Variants in DAB1 observed in about 807,000 individuals in gnomAD.
DAB1 encodes the protein disabled homolog 1.
DAB1 carries 15 observed loss-of-function variants against 64.6 expected under a neutral mutation model. The ratio of observed to expected loss-of-function variants is 0.23; its 90% CI spans 0.16 to 0.36. The LOEUF (loss-of-function observed/expected upper bound fraction) is 0.36, where lower values mean the gene tolerates loss of function less well. DAB1 is among the 10% of genes least tolerant of loss of function. DAB1 has a pLI of 1.00. For synonymous variants in DAB1, 235 were observed against 251.9 expected, an observed-to-expected ratio of 0.93 and a Z score of 0.64; for missense variants, 596 against 706.7, an observed-to-expected ratio of 0.84 and a Z score of 1.78.
intron 4 of DAB1, among the ~76,000 whole-genome samples, chr1:58,241,908 G>A (rs1660314147): frequency 6.6e-6 from 1 of 151,968 alleles, no homozygotes. Context: ...AAACAATATG[G>A]CATCATCTAT....
chr1:58,231,777 A>G (rs1659784274), intron 4 of DAB1, among the ~76,000 whole-genome samples: 1 of 152,224 alleles, frequency 6.6e-6, no homozygotes, highest in South Asian at 2.1e-4. Context: ...TGATTGGAAC[A>G]TAACCAAGTG....
At position 57,015,225 on chromosome 1, in the gene DAB1, G is replaced by C. The variant is rs754773594; in HGVS notation, c.1102C>G (p.Pro368Ala). ...GGCAAAGGCATAACAGTTTGTGTGG[G>C]CATGAAGGCGGCTGGCGGAAACTGC... Reference protein sequence around the residue: ...AGQFPPAAFMPTQTVMPLPAA... With the variant: ...AGQFPPAAFMATQTVMPLPAA... The change falls in exon 12 of 15, where the codon CCC becomes GCC. Residue 368 changes from proline to alanine, a missense_variant. Coordinates refer to ENST00000371236, the MANE Select transcript of DAB1 (RefSeq NM_001365792.1). 10 of 1,614,038 alleles carry C rather than the reference G, an allele frequency of 6.2e-6. No homozygotes were observed. The East Asian group carries it at 1.3e-4, about 22-fold the overall frequency.
chr1:58,089,829 G>A (rs930021662), intron 5 of DAB1, among the ~76,000 whole-genome samples: 2 of 152,194 alleles, frequency 1.3e-5, no homozygotes, highest in African/African-American at 4.8e-5. Context: ...CTGTTTTCGT[G>A]AAAACTGCCA....
At chr1:57,278,115 C>T (rs966846330) in intron 2 of DAB1, among the ~76,000 whole-genome samples, 4 of 152,326 alleles carry the variant, frequency 2.6e-5, no homozygotes, top group Middle Eastern at 3.4e-3. Context: ...ATTTGATGGT[C>T]TCTGCTGGGA....
At chr1:57,415,458 C>T (rs533630449) in intron 1 of DAB1, among the ~76,000 whole-genome samples, 11 of 152,188 alleles carry the variant, frequency 7.2e-5, no homozygotes, top group East Asian at 3.9e-4. Context: ...AATTCAACTA[C>T]GTTAAAATTA....
intron 7 of DAB1, among the ~76,000 whole-genome samples, chr1:57,508,207 A>T (rs964401578): frequency 6.6e-6 from 1 of 152,152 alleles, no homozygotes; most frequent in African/African-American, 2.4e-5. Context: ...TTGGCTCCAG[A>T]TCTGCTTCAA....
intron 3 of DAB1, among the ~76,000 whole-genome samples, chr1:58,357,437 T>C (rs1304382000): frequency 1.3e-5 from 2 of 152,038 alleles, no homozygotes; most frequent in African/African-American, 2.4e-5. Flanking sequence ...GCCTAGAGGG[T>C]CAAGAGTTGT....
intron 12 of DAB1, among the ~76,000 whole-genome samples, chr1:57,014,293 G>A (rs1159102740): frequency 6.6e-6 from 1 of 152,174 alleles, no homozygotes; most frequent in East Asian, 1.9e-4. Flanking sequence ...ACTACCAGAA[G>A]CTTTAACCCA....
chr1:57,434,478 T>C (rs973731049), intron 7 of DAB1, among the ~76,000 whole-genome samples: 5 of 152,200 alleles, frequency 3.3e-5, no homozygotes, highest in African/African-American at 9.6e-5. Context: ...GTTGCCTCAG[T>C]GGAGATAGGT....
intron 1 of DAB1, among the ~76,000 whole-genome samples, chr1:57,847,113 T>C (rs1022796912): frequency 3.9e-5 from 6 of 152,156 alleles, no homozygotes; most frequent in African/African-American, 1.4e-4. Context: ...GGAACAGCCA[T>C]CACTATTCCT....
intron 7 of DAB1, among the ~76,000 whole-genome samples, chr1:57,639,000 TA>T (rs1646093972): frequency 8.6e-6 from 1 of 116,908 alleles, no homozygotes; most frequent in African/African-American, 3.3e-5. Flanking sequence ...TAAATAACTT[TA>T]TAAAGTTCTT....
chr1:57,366,998 G>A (rs1300683029), intron 1 of DAB1, among the ~76,000 whole-genome samples: 1 of 150,084 alleles, frequency 6.7e-6, no homozygotes. Flanking sequence ...CTTTAGCCCA[G>A]GAGTTCGAGA....
intron 6 of DAB1, among the ~76,000 whole-genome samples, chr1:57,758,983 C>T (rs1409149921): frequency 1.3e-5 from 2 of 152,164 alleles, no homozygotes; most frequent in African/African-American, 4.8e-5. Context: ...AAGAAGATCA[C>T]CTCAGCTCTT....
At chr1:57,336,908 C>A (rs1345454655) in intron 1 of DAB1, among the ~76,000 whole-genome samples, 1 of 152,170 alleles carries the variant, frequency 6.6e-6, no homozygotes, top group Non-Finnish European at 1.5e-5. Context: ...TGTGACACGG[C>A]AGGATTGGAA....
At chr1:58,014,272 T>C in intron 5 of DAB1, among the ~76,000 whole-genome samples, 1 of 152,230 alleles carries the variant, frequency 6.6e-6, no homozygotes, top group South Asian at 2.1e-4. Context: ...AATTGGATTC[T>C]TGAGGGTTAT....
At chr1:58,224,874 GC>G (rs1238088053) in intron 4 of DAB1, among the ~76,000 whole-genome samples, 10 of 150,294 alleles carry the variant, frequency 6.7e-5, no homozygotes, top group Admixed American at 6.6e-5. Context: ...GAAAACCTAG[GC>G]AATACCATTC....
At chr1:57,267,903 G>A (rs921580963) in intron 2 of DAB1, among the ~76,000 whole-genome samples, 1 of 152,168 alleles carries the variant, frequency 6.6e-6, no homozygotes, top group African/African-American at 2.4e-5. Flanking sequence ...AGAGCGGAGA[G>A]TGGGAAAACA....
At chr1:57,216,449 T>C (rs1440698551) in intron 2 of DAB1, among the ~76,000 whole-genome samples, 1 of 152,152 alleles carries the variant, frequency 6.6e-6, no homozygotes, top group Non-Finnish European at 1.5e-5. Context: ...AAGTTATAGG[T>C]ATACCCTGGA....
At chr1:57,871,080 T>C (rs929561355) in intron 1 of DAB1, among the ~76,000 whole-genome samples, 1 of 152,154 alleles carries the variant, frequency 6.6e-6, no homozygotes, top group East Asian at 1.9e-4. Context: ...GAACGAGATA[T>C]ACCAGGATCC....
Sources: gnomAD v4.1 joint callset for allele counts (sites outside exome capture counted in the v4.1 genomes callset) on GRCh38, gnomAD v4.1.1 for gene constraint, MANE v1.5 for transcripts, NCBI Gene and HGNC (gene_info 2026-07-23, HGNC 2026-07-21) for gene names.